Variants in DOCK4 observed in about 807,000 individuals in gnomAD.
The protein encoded by DOCK4 is dedicator of cytokinesis protein 4.
A neutral mutation model predicts 268.1 loss-of-function variants in DOCK4; 97 were observed. The ratio of observed to expected loss-of-function variants is 0.36; its 90% confidence interval spans 0.31 to 0.43. The LOEUF (loss-of-function observed/expected upper bound fraction) is 0.43, where lower values mean the gene tolerates loss of function less well. Among genes scored for constraint, DOCK4 ranks in the 20% least tolerant of loss-of-function variants. The probability of loss-of-function intolerance (pLI) is 1.00; values close to 1 mark genes in which losing one functional copy is unlikely to be tolerated. For synonymous variants in DOCK4, 954 were observed against 887.2 expected, an observed-to-expected ratio of 1.08 and a Z score of -1.34; for missense variants, 2,145 against 2,455.7, an observed-to-expected ratio of 0.87 and a Z score of 2.67.
At chr7:111,944,713 C>T in intron 10 of DOCK4, 98 bp downstream of exon 10, 4 of 1,190,570 alleles carry the variant, frequency 3.4e-6, no homozygotes, top group Non-Finnish European at 4.9e-6. Flanking sequence ...TGATATCTTT[C>T]TGATTCAGAC....
intron 16 of DOCK4, among the ~76,000 whole-genome samples, chr7:111,888,176 T>C (rs1203832843): frequency 6.6e-6 from 1 of 151,088 alleles, no homozygotes; most frequent in Non-Finnish European, 1.5e-5. Flanking sequence ...TGCTAACCTA[T>C]AGCAACTGTA....
chr7:112,097,645 G>A (rs185531212), intron 1 of DOCK4, among the ~76,000 whole-genome samples: 82 of 152,278 alleles, frequency 5.4e-4, no homozygotes, highest in African/African-American at 1.8e-3. Context: ...TTATAGTAAC[G>A]TGCTTAGTCA....
intron 1 of DOCK4, among the ~76,000 whole-genome samples, chr7:112,064,168 C>A (rs1047239717): frequency 6.6e-6 from 1 of 152,160 alleles, no homozygotes; most frequent in Non-Finnish European, 1.5e-5. Flanking sequence ...TGGATCACAG[C>A]AGAAGCAATG....
chr7:111,828,955 G>A (rs1013850789), intron 26 of DOCK4, among the ~76,000 whole-genome samples: 5 of 151,046 alleles, frequency 3.3e-5, no homozygotes, highest in African/African-American at 1.2e-4. Flanking sequence ...ACCTTTAGAT[G>A]TTAACAGCAG....
At chr7:111,814,352 G>A (rs1025434908) in intron 27 of DOCK4, among the ~76,000 whole-genome samples, 10 of 152,134 alleles carry the variant, frequency 6.6e-5, no homozygotes, top group African/African-American at 2.4e-4. Context: ...AATCACCTGG[G>A]AGCTTTTAAA....
chr7:111,734,524 G>A (rs962899425), intron 51 of DOCK4, among the ~76,000 whole-genome samples: 14 of 152,088 alleles, frequency 9.2e-5, no homozygotes, highest in African/African-American at 3.1e-4. Flanking sequence ...GAGGGGATGC[G>A]GTACCCTGAA....
rs1802057523 is a variant in DOCK4, at chr7:111,822,405, T to C, written c.2887A>G (p.Met963Val). ...TVFRILIRPE[M>V]FPKDWTVMRL... is the part of the protein sequence containing the mutation. ...ATAACAGTCCAGTCCTTTGGAAACA[T>C]CTCCGGGCGTATCAATATTCGGAAC... The change falls in exon 27 of 53, where the codon ATG becomes GTG. Residue 963 changes from methionine to valine, a missense_variant. Coordinates refer to ENST00000428084, the MANE Select transcript of DOCK4 (RefSeq NM_001363540.2). 3 of 1,613,632 alleles carry C rather than the reference T, an allele frequency of 1.9e-6. No individual in the cohort carries two copies. The East Asian group carries it at 6.7e-5, about 36-fold the overall frequency.
chr7:111,961,689 C>T lies in DOCK4; in HGVS notation c.701+15443G>A, dbSNP rs140656600. Among the ~76,000 whole-genome samples, 20 of 152,278 alleles carry T rather than the reference C, an allele frequency of 1.3e-4. No homozygotes were observed. In the East Asian group the frequency reaches 1.9e-3, roughly 15 times the overall value. Reference sequence around the variant, plus strand: ...TGCTTCAAGGGGAATATTATTATAACGTATGTGTGATATAACACTCAATGT... The same window carrying T: ...TGCTTCAAGGGGAATATTATTATAATGTATGTGTGATATAACACTCAATGT... On this transcript the variant is annotated intron_variant, in intron 8 of 52. Coordinates refer to ENST00000428084, the MANE Select transcript of DOCK4 (RefSeq NM_001363540.2).
At chr7:112,081,605 T>A (rs1808590634) in intron 1 of DOCK4, among the ~76,000 whole-genome samples, 1 of 152,194 alleles carries the variant, frequency 6.6e-6, no homozygotes, top group Non-Finnish European at 1.5e-5. Flanking sequence ...CTTATTTTTA[T>A]CCCTTTCTTA....
At chr7:111,858,865 T>C (rs1421274222) in intron 23 of DOCK4, among the ~76,000 whole-genome samples, 1 of 149,702 alleles carries the variant, frequency 6.7e-6, no homozygotes, top group African/African-American at 2.4e-5. Context: ...ATACACCCTA[T>C]TGGTTCTGTT....
chr7:112,178,853 T>C (rs1366467377), intron 1 of DOCK4, among the ~76,000 whole-genome samples: 1 of 152,178 alleles, frequency 6.6e-6, no homozygotes, highest in Non-Finnish European at 1.5e-5. Context: ...AATGTGCACA[T>C]GATGGAGGCT....
chr7:111,903,745 C>T (rs772139786), intron 13 of DOCK4, among the ~76,000 whole-genome samples: 11 of 152,046 alleles, frequency 7.2e-5, no homozygotes, highest in Non-Finnish European at 1.5e-4. Context: ...AAATTCTTGA[C>T]AATAATGTTT....
intron 26 of DOCK4, among the ~76,000 whole-genome samples, chr7:111,823,320 C>A (rs1802143851): frequency 6.6e-6 from 1 of 151,120 alleles, no homozygotes; most frequent in South Asian, 2.1e-4. Flanking sequence ...CATTCTCCTG[C>A]CTCAGCCTCC....
At chr7:111,771,038 C>T (rs548497553) in intron 36 of DOCK4, among the ~76,000 whole-genome samples, 4 of 152,320 alleles carry the variant, frequency 2.6e-5, no homozygotes, top group African/African-American at 9.6e-5. Flanking sequence ...AGTCTCTTAT[C>T]CCCCTCCATT....
intron 23 of DOCK4, among the ~76,000 whole-genome samples, chr7:111,858,968 C>G (rs974516674): frequency 7.9e-5 from 12 of 152,166 alleles, no homozygotes; most frequent in African/African-American, 2.9e-4. Context: ...CATCTAAGGT[C>G]TGAAAAGGTT....
At chr7:111,791,351 G>T (rs1799532932) in intron 30 of DOCK4, among the ~76,000 whole-genome samples, 1 of 147,952 alleles carries the variant, frequency 6.8e-6, no homozygotes. Flanking sequence ...AACCACAGAG[G>T]TTATCTCTGG....
intron 8 of DOCK4, among the ~76,000 whole-genome samples, chr7:111,976,363 T>A (rs1161634829): frequency 7.1e-6 from 1 of 140,264 alleles, no homozygotes; most frequent in Admixed American, 7.2e-5. Context: ...TTGAAAAGTA[T>A]TTTTTTAAAG....
chr7:112,030,273 T>C (rs73432719), intron 1 of DOCK4, among the ~76,000 whole-genome samples: 3,250 of 152,344 alleles, frequency 0.021, 111 homozygotes, highest in African/African-American at 0.074. Context: ...GCATTCATGT[T>C]GGATTTGAAC....
At chr7:111,818,334 C>T (rs768266829) in intron 27 of DOCK4, among the ~76,000 whole-genome samples, 1 of 152,188 alleles carries the variant, frequency 6.6e-6, no homozygotes, top group South Asian at 2.1e-4. Flanking sequence ...TACATCTCCA[C>T]TTGAATATCT....
Sources: gnomAD v4.1 joint callset for allele counts (sites outside exome capture counted in the v4.1 genomes callset) on GRCh38, gnomAD v4.1.1 for gene constraint, MANE v1.5 for transcripts, NCBI Gene and HGNC (gene_info 2026-07-23, HGNC 2026-07-21) for gene names.